Variants in ABCC9 observed in about 807,000 individuals in gnomAD.
ABCC9 encodes the protein ATP binding cassette subfamily C member 9, also known as ATP-binding cassette sub-family C member 9.
Under a neutral mutation model 188.3 loss-of-function variants are expected in ABCC9, and 95 were observed. That is an observed-to-expected ratio of 0.50 (90% CI 0.43 to 0.60). ABCC9 has a LOEUF of 0.60. Among genes scored for constraint, ABCC9 ranks in the 20% least tolerant of loss-of-function variants. The pLI is 0.00. For missense variants in ABCC9, 1,102 were observed against 1,876.3 expected, an observed-to-expected ratio of 0.59 and a Z score of 7.62; for synonymous variants, 659 against 652.7, an observed-to-expected ratio of 1.01 and a Z score of -0.15.
At chr12:21,926,148 ATCTT>A in intron 4 of ABCC9, 85 bp from the exon 5 acceptor site, 1 of 1,561,546 alleles carries the variant, frequency 6.4e-7, no homozygotes, top group Non-Finnish European at 8.8e-7. Context: ...TAAGAACTCT[ATCTT>A]AGCAATAAGA....
At chr12:21,839,354 G>A (rs982298529) in intron 29 of ABCC9, among the ~76,000 whole-genome samples, 3 of 152,168 alleles carry the variant, frequency 2.0e-5, no homozygotes, top group African/African-American at 7.2e-5. Context: ...TACCAGAGTG[G>A]TGGTCAGGGG....
At chr12:21,895,397 ACTTT>A (rs1250072623) in intron 12 of ABCC9, 82 bp from the exon 13 acceptor site, 2 of 1,252,068 alleles carry the variant, frequency 1.6e-6, no homozygotes, top group Non-Finnish European at 2.3e-6. Context: ...TATTGCTTTA[ACTTT>A]CTTTGAAGAC....
At chr12:21,811,481 C>G (rs954677590) in intron 36 of ABCC9, among the ~76,000 whole-genome samples, 1 of 152,074 alleles carries the variant, frequency 6.6e-6, no homozygotes, top group African/African-American at 2.4e-5. Context: ...AAACCCTCAT[C>G]TATAAAATGG....
chr12:21,892,221 G>A (rs1275146883), intron 14 of ABCC9, among the ~76,000 whole-genome samples: 2 of 152,074 alleles, frequency 1.3e-5, no homozygotes, highest in African/African-American at 4.8e-5. Context: ...TATTACCACG[G>A]AATTGTATAC....
intron 18 of ABCC9, among the ~76,000 whole-genome samples, chr12:21,865,189 T>C (rs965771485): frequency 1.3e-5 from 2 of 152,126 alleles, no homozygotes; most frequent in African/African-American, 4.8e-5. Context: ...TCAATAACCA[T>C]ACAAATAATT....
rs1238311161 is a variant in ABCC9, at chr12:21,891,278, G to A, written c.1802+2754C>T. On this transcript the variant is annotated intron_variant, in intron 14 of 39. Transcript: ENST00000261200. Reference sequence around the variant, plus strand: ...AGATGAGTAAAATGGTGGTAAGACGGTGAAATGGAGATTTGTAACATACAA... The same window carrying A: ...AGATGAGTAAAATGGTGGTAAGACGATGAAATGGAGATTTGTAACATACAA... Among the ~76,000 whole-genome samples the A allele has an allele frequency of 3.9e-5, 6 of 152,166 alleles. No individual in the cohort carries two copies. In the South Asian group the frequency reaches 1.2e-3, roughly 32 times the overall value.
intron 12 of ABCC9, among the ~76,000 whole-genome samples, chr12:21,902,831 G>C (rs1166090056): frequency 2.0e-5 from 3 of 152,204 alleles, no homozygotes; most frequent in African/African-American, 4.8e-5. Flanking sequence ...TCCAGGACCA[G>C]ATGGATTCAC....
intron 31 of ABCC9, among the ~76,000 whole-genome samples, chr12:21,824,592 T>C (rs1384755548): frequency 6.6e-6 from 1 of 152,222 alleles, no homozygotes; most frequent in East Asian, 1.9e-4. Context: ...GTACCTCCAG[T>C]AGAATTTGGC....
chr12:21,808,977 T>G (rs1942048227), intron 37 of ABCC9, among the ~76,000 whole-genome samples: 1 of 152,064 alleles, frequency 6.6e-6, no homozygotes, highest in African/African-American at 2.4e-5. Flanking sequence ...TGGCCCTGCT[T>G]TTCAAATAAA....
chr12:21,859,930 C>T (rs1009155530), intron 21 of ABCC9, among the ~76,000 whole-genome samples: 22 of 151,996 alleles, frequency 1.4e-4, no homozygotes, highest in African/African-American at 5.1e-4. Flanking sequence ...CATTAATAAC[C>T]AAAACACTTG....
intron 20 of ABCC9, among the ~76,000 whole-genome samples, chr12:21,861,734 C>G (rs1945516305): frequency 1.3e-5 from 2 of 152,046 alleles, no homozygotes; most frequent in East Asian, 3.9e-4. Context: ...AGTAAGTTTT[C>G]AGGAAGAAAA....
At chr12:21,911,027 G>C (rs1948301060) in intron 8 of ABCC9, 49 bp from the exon 9 acceptor site, 1 of 1,572,768 alleles carries the variant, frequency 6.4e-7, no homozygotes, top group Non-Finnish European at 8.7e-7. Context: ...TCTTTTTATA[G>C]ACCAGGTGTA....
At position 21,862,389 on chromosome 12, in the gene ABCC9, C is replaced by G. The variant is rs1050602447; in HGVS notation, c.2339+564G>C. On this transcript the variant is annotated intron_variant, in intron 20 of 39. Coordinates refer to ENST00000261200, the MANE Select transcript of ABCC9 (RefSeq NM_020297.4). ...ATGGTCTACTTTTCTCCTCCCTCCCCCTTCCTCTTGCCTCTCCACTTACTT... is the reference window on the plus strand; with the variant it reads ...ATGGTCTACTTTTCTCCTCCCTCCCGCTTCCTCTTGCCTCTCCACTTACTT... Among the ~76,000 whole-genome samples the G allele has an allele frequency of 1.2e-4, 18 of 152,072 alleles. 1 individual carries two copies. Among genetic ancestry groups the G allele is most frequent in the Admixed American group, 4.6e-4 (7 of 15,246 alleles).
chr12:21,804,996 T>C, intron 39 of ABCC9: 2 of 261,110 alleles, frequency 7.7e-6, no homozygotes, highest in Non-Finnish European at 1.2e-5. Flanking sequence ...ATGAGCTCCA[T>C]TCGGTAGTGA....
At chr12:21,868,264 C>T (rs755991049) in intron 18 of ABCC9, among the ~76,000 whole-genome samples, 1 of 152,146 alleles carries the variant, frequency 6.6e-6, no homozygotes, top group South Asian at 2.1e-4. Context: ...TTTCTCCGGC[C>T]CAAAGTAAAT....
In ABCC9 at chr12:21,836,943, A is replaced by C. The variant is rs1217254761; in HGVS notation, c.3566+1135T>G. Among the ~76,000 whole-genome samples the C allele has an allele frequency of 2.0e-5, 3 of 152,150 alleles. No individual in the cohort carries two copies. In the East Asian group the frequency reaches 5.8e-4, roughly 29 times the overall value. ...GGGGAGGATGTGGGGAGGGAGGGCAACAGTGCCACTTTTTGCTGGTTGGAA... is the reference window on the plus strand; with the variant it reads ...GGGGAGGATGTGGGGAGGGAGGGCACCAGTGCCACTTTTTGCTGGTTGGAA... On this transcript the variant is annotated intron_variant, in intron 30 of 39. Transcript: ENST00000261200.
Position 21,800,973 on chromosome 12 carries a change from C to A in ABCC9, c.*71G>T. 6.3e-7 allele frequency: 1 copy of A among 1,582,574 alleles called. No individual in the cohort carries two copies. Among genetic ancestry groups the A allele is most frequent in the Non-Finnish European group, 8.6e-7 (1 of 1,156,518 alleles). On this transcript the variant is annotated 3_prime_UTR_variant, in exon 40 of 40. Coordinates refer to ENST00000261200, the MANE Select transcript of ABCC9 (RefSeq NM_020297.4). ...TTTTAAGATGCCACTTTACAGAGGT[C>A]AAGCTGATGATCCATTAATTAGGTT...
chr12:21,804,540 T>A (rs940464432), intron 39 of ABCC9, among the ~76,000 whole-genome samples: 2 of 152,190 alleles, frequency 1.3e-5, no homozygotes, highest in Non-Finnish European at 2.9e-5. Context: ...CTTAAATCAT[T>A]CACACCTTAA....
At chr12:21,812,437 T>G (rs759968792) in intron 35 of ABCC9, among the ~76,000 whole-genome samples, 3 of 152,124 alleles carry the variant, frequency 2.0e-5, no homozygotes, top group Non-Finnish European at 4.4e-5. Context: ...TAGCAAAGAC[T>G]TGGAACCAAC....
Sources: gnomAD v4.1 joint callset for allele counts (sites outside exome capture counted in the v4.1 genomes callset) on GRCh38, gnomAD v4.1.1 for gene constraint, MANE v1.5 for transcripts, NCBI Gene and HGNC (gene_info 2026-07-23, HGNC 2026-07-21) for gene names.